SYNE1: variants seen among roughly 807,000 people sequenced by gnomAD.
SYNE1 encodes the protein spectrin repeat containing nuclear envelope protein 1.
A neutral mutation model predicts 1,111.0 loss-of-function variants in SYNE1; 616 were observed. The observed-to-expected ratio is 0.55, with a 90% CI of 0.52 to 0.59. The LOEUF is 0.59. SYNE1 is among the 20% of genes least tolerant of loss of function. The pLI, the probability that SYNE1 is intolerant of heterozygous loss-of-function variation, is 0.00. For missense variants in SYNE1, 10,006 were observed against 10,417.0 expected, an observed-to-expected ratio of 0.96 and a Z score of 1.72; for synonymous variants, 3,855 against 3,825.8, an observed-to-expected ratio of 1.01 and a Z score of -0.28.
chr6:152,635,877 A>T (rs1036151325), intron 2 of SYNE1, among the ~76,000 whole-genome samples: 1 of 152,154 alleles, frequency 6.6e-6, no homozygotes, highest in African/African-American at 2.4e-5. Context: ...AGGGGGCAGA[A>T]CTTCCAGCAT....
Position 152,308,748 on chromosome 6 carries a change from G to C in SYNE1, c.17203-116C>G, listed in dbSNP as rs199825087. ...CTGTACAGGTAGGGAATAAAGAAAT[G>C]ATGGGTAAAATTCCTAGATGGTTTG... On this transcript the variant is annotated intron_variant, in intron 90 of 145. Transcript: ENST00000367255. 4.5e-5 allele frequency: 52 copies of C among 1,144,856 alleles called. 1 individual carries two copies. The East Asian group carries it at 7.2e-4, about 16-fold the overall frequency. 70.9% of individuals were successfully genotyped at this position (1,144,856 alleles called of 1,614,324 possible). A position where few individuals can be genotyped will look rare whatever the true frequency, so the allele number is the denominator to read the frequency against.
intron 5 of SYNE1, among the ~76,000 whole-genome samples, chr6:152,524,971 G>C (rs961443591): frequency 5.3e-5 from 8 of 152,076 alleles, no homozygotes; most frequent in African/African-American, 1.9e-4. Context: ...TGCAACTTGT[G>C]CCTTTAAGAA....
intron 76 of SYNE1, 80 bp from the exon 77 acceptor site, chr6:152,334,353 A>G: frequency 6.8e-7 from 1 of 1,468,382 alleles, no homozygotes. Flanking sequence ...CAGACATAAG[A>G]CCTTTAAACA....
At chr6:152,215,767 T>C (rs2078485720) in intron 121 of SYNE1, among the ~76,000 whole-genome samples, 1 of 152,214 alleles carries the variant, frequency 6.6e-6, no homozygotes. Context: ...ATTCTCTCTT[T>C]ACAAGGGAGG....
chr6:152,373,162 C>T lies in SYNE1; in HGVS notation c.9382G>A (p.Gly3128Arg), dbSNP rs931352070. The T allele has an allele frequency of 4.3e-6, 7 of 1,613,870 alleles. No homozygotes were observed. In the Admixed American group the frequency reaches 5.0e-5, roughly 12 times the overall value. Residue 3128 changes from glycine to arginine, a missense_variant, in exon 59 of 146, where the codon GGG becomes AGG. By Grantham distance (125) the Gly-to-Arg change is moderately radical. Coordinates refer to ENST00000367255, the MANE Select transcript of SYNE1 (RefSeq NM_182961.4). Reference protein sequence around the residue: ...QHKLNMMLSKGELLSTLLTKE... With the variant: ...QHKLNMMLSKRELLSTLLTKE... ...GTCAGCAGGGTACTCAGAAGTTCCC[C>T]TTTAGACAGCATCATGTTTAGCTTG... is the stretch of plus-strand genomic sequence containing the variant.
chr6:152,161,011 CA>C (rs1482598169), intron 131 of SYNE1, among the ~76,000 whole-genome samples: 2 of 150,120 alleles, frequency 1.3e-5, no homozygotes, highest in Non-Finnish European at 3.0e-5. Flanking sequence ...ACAAAGTAAA[CA>C]AAAAGATAAA....
chr6:152,325,105 C>G lies in SYNE1; in HGVS notation c.15636G>C (p.Glu5212Asp). 6.2e-7 allele frequency: 1 copy of G among 1,614,190 alleles called. No individual in the cohort carries two copies. The highest frequency in any genetic ancestry group is 8.5e-7 in the Non-Finnish European group (1 of 1,180,044). ...QEKILEDAVD[E>D]WTGFNNKVKK... ...CTACCTTGTTGTTAAAGCCCGTCCA[C>G]TCATCCACTGCATCTTCCAGGATCT... The change falls in exon 81 of 146, where the codon GAG (glutamate) becomes GAC (aspartate). Residue 5212 changes from glutamate to aspartate, a missense_variant. Around this residue, in one of 7 missense-constraint regions of SYNE1, gnomAD observed 4,955 missense variants for 5,017.2 expected, o/e 0.99. Transcript: ENST00000367255.
intron 89 of SYNE1, 67 bp downstream of exon 89, chr6:152,310,329 T>A: frequency 6.2e-7 from 1 of 1,603,138 alleles, no homozygotes; most frequent in Admixed American, 1.7e-5. Flanking sequence ...GGAGGCATTT[T>A]TCCTTACTAT....
intron 59 of SYNE1, among the ~76,000 whole-genome samples, chr6:152,372,393 TGAAG>T (rs1202722029): frequency 6.6e-6 from 1 of 152,186 alleles, no homozygotes; most frequent in Non-Finnish European, 1.5e-5. Flanking sequence ...CACAAACAAA[TGAAG>T]GATCTATTCT....
rs1251937940 is a variant in SYNE1, at chr6:152,401,391, C to T, written c.6826-50G>A. 1.9e-6 allele frequency: 3 copies of T among 1,559,998 alleles called. No individual in the cohort carries two copies. The South Asian group carries it at 3.3e-5, about 17-fold the overall frequency. ...AATATCTCTGAAGACCAGAAGAATA[C>T]TCATTCAGTAGAAATTCTGTTCACG... is the stretch of plus-strand genomic sequence containing the variant. On this transcript the variant is annotated intron_variant, in intron 46 of 145. Coordinates refer to ENST00000367255, the MANE Select transcript of SYNE1 (RefSeq NM_182961.4).
intron 30 of SYNE1, among the ~76,000 whole-genome samples, chr6:152,442,594 A>G (rs1211352341): frequency 6.6e-6 from 1 of 152,220 alleles, no homozygotes; most frequent in African/African-American, 2.4e-5. Flanking sequence ...TTAAAAACAC[A>G]AAGTCCCAAC....
rs12111194 is a variant in SYNE1 at position 152,567,105 on chromosome 6, T to G, written c.68-27084A>C. ...CCCTCTGCACCTGTTAACTGCTGTT[T>G]CACTCTCTGTTTCTATGCATTTGCC... On this transcript the variant is annotated intron_variant, in intron 3 of 145. Coordinates refer to ENST00000367255, the MANE Select transcript of SYNE1 (RefSeq NM_182961.4). Among the ~76,000 whole-genome samples the G allele has an allele frequency of 2.5e-3, 375 of 152,180 alleles. 1 individual carries two copies. The highest frequency in any genetic ancestry group is 8.1e-3 in the African/African-American group (335 of 41,498).
intron 127 of SYNE1, among the ~76,000 whole-genome samples, chr6:152,193,091 T>G (rs899245358): frequency 2.0e-5 from 3 of 152,204 alleles, no homozygotes; most frequent in Non-Finnish European, 2.9e-5. Context: ...GACTTAATAC[T>G]GCCATTTTAT....
chr6:152,563,305 TA>T, intron 3 of SYNE1, among the ~76,000 whole-genome samples: 1 of 152,284 alleles, frequency 6.6e-6, no homozygotes, highest in East Asian at 1.9e-4. Context: ...AACATCTCTA[TA>T]AAAGCATACT....
chr6:152,232,365 G>A, intron 112 of SYNE1, 100 bp from the exon 113 acceptor site: 1 of 1,291,810 alleles, frequency 7.7e-7, no homozygotes, highest in Admixed American at 1.7e-5. Flanking sequence ...AATGTACCAA[G>A]AGAGATAACA....
intron 3 of SYNE1, among the ~76,000 whole-genome samples, chr6:152,602,655 T>C (rs1399719865): frequency 6.6e-6 from 1 of 152,234 alleles, no homozygotes; most frequent in Non-Finnish European, 1.5e-5. Context: ...TGTGTTTTTG[T>C]TATTTTCAAT....
chr6:152,302,842 A>AAC (rs2095246209), intron 91 of SYNE1, among the ~76,000 whole-genome samples: 1 of 152,170 alleles, frequency 6.6e-6, no homozygotes, highest in Non-Finnish European at 1.5e-5. Context: ...ACAAGAATGA[A>AAC]AAAATATATT....
chr6:152,322,009 C>A (rs1590027509), intron 82 of SYNE1, 123 bp from the exon 83 acceptor site: 2 of 973,610 alleles, frequency 2.1e-6, no homozygotes, highest in East Asian at 4.9e-5. Flanking sequence ...AAAGAAAAGA[C>A]ACTTCCTCAA....
intron 130 of SYNE1, among the ~76,000 whole-genome samples, chr6:152,166,325 T>C (rs905134282): frequency 1.3e-5 from 2 of 152,246 alleles, no homozygotes; most frequent in African/African-American, 4.8e-5. Context: ...ACATTAATAA[T>C]GAATATTCTA....
Sources: gnomAD v4.1 joint callset for allele counts (sites outside exome capture counted in the v4.1 genomes callset) on GRCh38, gnomAD v4.1.1 for gene constraint, gnomAD v4.1.1 regional missense constraint, MANE v1.5 for transcripts, NCBI Gene and HGNC (gene_info 2026-07-23, HGNC 2026-07-21) for gene names.